Variants in GPC6 observed in about 807,000 individuals in gnomAD.
The protein encoded by GPC6 is glypican-6.
GPC6 carries 14 observed loss-of-function variants against 55.2 expected under a neutral mutation model. That is an observed-to-expected ratio of 0.25 (90% confidence interval 0.17 to 0.40). The LOEUF (loss-of-function observed/expected upper bound fraction) is 0.40. GPC6 is among the 10% of genes least tolerant of loss of function. The pLI, the probability that GPC6 is intolerant of heterozygous loss-of-function variation, is 1.00. For missense variants in GPC6, 641 were observed against 708.5 expected, an observed-to-expected ratio of 0.90 and a Z score of 1.08; for synonymous variants, 278 against 259.6, an observed-to-expected ratio of 1.07 and a Z score of -0.68.
intron 2 of GPC6, among the ~76,000 whole-genome samples, chr13:93,709,955 C>T (rs977678631): frequency 6.6e-6 from 1 of 151,614 alleles, no homozygotes; most frequent in Admixed American, 6.6e-5. Flanking sequence ...TAATTAAAAG[C>T]ACATTCAGAA....
chr13:93,759,668 TC>T (rs1020311207), intron 2 of GPC6, among the ~76,000 whole-genome samples: 9 of 152,162 alleles, frequency 5.9e-5, no homozygotes. Flanking sequence ...CCTAATATTT[TC>T]CTAAATATCT....
chr13:94,004,658 T>A (rs1196352579), intron 3 of GPC6, among the ~76,000 whole-genome samples: 2 of 152,198 alleles, frequency 1.3e-5, no homozygotes, highest in Non-Finnish European at 2.9e-5. Flanking sequence ...AGGAAAACTT[T>A]GTATGTATAG....
intron 6 of GPC6, among the ~76,000 whole-genome samples, chr13:94,366,836 G>C (rs1235474479): frequency 6.6e-6 from 1 of 152,182 alleles, no homozygotes; most frequent in African/African-American, 2.4e-5. Flanking sequence ...GAATCAAAAG[G>C]AGCATTTACC....
chr13:94,021,589 T>A (rs1209002288), intron 3 of GPC6, among the ~76,000 whole-genome samples: 1 of 152,086 alleles, frequency 6.6e-6, no homozygotes, highest in Non-Finnish European at 1.5e-5. Context: ...CTTTTTGTAT[T>A]CCTTGATATG....
intron 4 of GPC6, among the ~76,000 whole-genome samples, chr13:94,223,564 GT>G (rs1890451782): frequency 6.6e-6 from 1 of 152,140 alleles, no homozygotes; most frequent in South Asian, 2.1e-4. Context: ...CTGCCAAGAT[GT>G]TTTTTCCTCC....
chr13:93,574,920 C>G (rs75313117), intron 2 of GPC6, among the ~76,000 whole-genome samples: 29 of 152,262 alleles, frequency 1.9e-4, no homozygotes, highest in Non-Finnish European at 4.0e-4. Context: ...TAATTTTCCC[C>G]AAGACAATCT....
chr13:93,979,182 G>A (rs1393643843), intron 3 of GPC6, among the ~76,000 whole-genome samples: 2 of 152,058 alleles, frequency 1.3e-5, no homozygotes, highest in East Asian at 1.9e-4. Context: ...TAGCTGTTGA[G>A]CATGGGGTGT....
At chr13:93,596,074 G>A (rs759245169) in intron 2 of GPC6, among the ~76,000 whole-genome samples, 30 of 152,154 alleles carry the variant, frequency 2.0e-4, no homozygotes, top group Non-Finnish European at 8.8e-5. Context: ...CTATCATACA[G>A]ATATTGCATT....
At chr13:93,996,586 T>G (rs576706317) in intron 3 of GPC6, among the ~76,000 whole-genome samples, 1 of 152,256 alleles carries the variant, frequency 6.6e-6, no homozygotes, top group African/African-American at 2.4e-5. Context: ...ATTTAATAGT[T>G]GAAAAAAGCA....
chr13:93,416,804 CCT>C (rs1257712552), intron 1 of GPC6, among the ~76,000 whole-genome samples: 2 of 151,970 alleles, frequency 1.3e-5, no homozygotes, highest in African/African-American at 4.8e-5. Context: ...GGGCAACCCC[CCT>C]GTTATTATAG....
chr13:93,771,528 A>G (rs1368609662), intron 2 of GPC6, among the ~76,000 whole-genome samples: 1 of 152,132 alleles, frequency 6.6e-6, no homozygotes, highest in African/African-American at 2.4e-5. Context: ...TCCCAGGATT[A>G]CAAGTTCTTT....
At chr13:94,389,301 A>G (rs1369608225) in intron 7 of GPC6, among the ~76,000 whole-genome samples, 1 of 152,194 alleles carries the variant, frequency 6.6e-6, no homozygotes, top group African/African-American at 2.4e-5. Flanking sequence ...TGCAGTCATC[A>G]GTCATCCCTG....
intron 3 of GPC6, among the ~76,000 whole-genome samples, chr13:93,880,091 A>C (rs1874865429): frequency 6.6e-6 from 1 of 151,892 alleles, no homozygotes; most frequent in African/African-American, 2.4e-5. Context: ...ATGTGGAGAA[A>C]TAGGAACACC....
At chr13:94,034,204 G>A (rs9516333) in intron 4 of GPC6, among the ~76,000 whole-genome samples, 1,881 of 16,046 alleles carry the variant, frequency 0.12, 24 homozygotes, top group East Asian at 0.37. Context: ...AAAGAAAGAA[G>A]GAAGGAAGGA....
At chr13:93,952,996 C>T (rs1305301592) in intron 3 of GPC6, among the ~76,000 whole-genome samples, 3 of 150,956 alleles carry the variant, frequency 2.0e-5, no homozygotes, top group East Asian at 3.9e-4. Flanking sequence ...CTACAGAATT[C>T]TCAAACTTTC....
intron 4 of GPC6, among the ~76,000 whole-genome samples, chr13:94,121,840 C>T (rs1374976905): frequency 2.6e-5 from 4 of 152,058 alleles, no homozygotes; most frequent in African/African-American, 9.7e-5. Flanking sequence ...TGTTCATGTT[C>T]AAGATTCTTC....
At chr13:94,286,811 AC>A (rs1892545177) in intron 5 of GPC6, among the ~76,000 whole-genome samples, 1 of 152,154 alleles carries the variant, frequency 6.6e-6, no homozygotes, top group Non-Finnish European at 1.5e-5. Context: ...AAATGTCTGC[AC>A]ACCCTCGCCC....
intron 4 of GPC6, among the ~76,000 whole-genome samples, chr13:94,102,260 G>C (rs1183407355): frequency 1.3e-5 from 2 of 152,050 alleles, no homozygotes; most frequent in African/African-American, 4.8e-5. Flanking sequence ...CTCTCCCAAA[G>C]CTGTGTTTAG....
intron 4 of GPC6, among the ~76,000 whole-genome samples, chr13:94,030,968 TC>T (rs1343868506): frequency 6.6e-6 from 1 of 152,132 alleles, no homozygotes; most frequent in African/African-American, 2.4e-5. Flanking sequence ...AGTAAAAACT[TC>T]TGTGGTATTC....
Sources: gnomAD v4.1 joint callset for allele counts (sites outside exome capture counted in the v4.1 genomes callset) on GRCh38, gnomAD v4.1.1 for gene constraint, MANE v1.5 for transcripts, NCBI Gene and HGNC (gene_info 2026-07-23, HGNC 2026-07-21) for gene names.